Variants in CA10 observed in about 807,000 individuals in gnomAD.
CA10 encodes the protein carbonic anhydrase-related protein 10.
CA10 carries 14 observed loss-of-function variants against 44.2 expected under a neutral mutation model. The observed-to-expected ratio is 0.32, with a 90% CI of 0.21 to 0.50. The LOEUF is 0.50. Among genes scored for constraint, CA10 ranks in the 20% least tolerant of loss-of-function variants. CA10 has a pLI of 0.99. For synonymous variants in CA10, 159 were observed against 141.6 expected (o/e 1.12, Z -0.87); for missense variants, 350 against 409.7 (o/e 0.85, Z 1.26).
chr17:51,717,374 G>A (rs571085568), intron 4 of CA10, among the ~76,000 whole-genome samples: 1 of 151,926 alleles, frequency 6.6e-6, no homozygotes, highest in South Asian at 2.1e-4. Flanking sequence ...GTGATTAAAA[G>A]TAGTACTACT....
intron 2 of CA10, among the ~76,000 whole-genome samples, chr17:52,056,324 A>G (rs1987229736): frequency 6.6e-6 from 1 of 152,048 alleles, no homozygotes; most frequent in African/African-American, 2.4e-5. Flanking sequence ...TGGAATTGGA[A>G]TGCAAAAATC....
chr17:51,897,638 C>G (rs1329712708), intron 3 of CA10, among the ~76,000 whole-genome samples: 1 of 152,122 alleles, frequency 6.6e-6, no homozygotes. Context: ...AGCATTGAAT[C>G]TATAAATTGC....
intron 3 of CA10, among the ~76,000 whole-genome samples, chr17:51,774,502 C>T (rs1448707219): frequency 6.6e-6 from 1 of 151,366 alleles, no homozygotes; most frequent in Admixed American, 6.6e-5. Flanking sequence ...TGCAGCGGTG[C>T]GATCTCAGCT....
chr17:51,712,903 G>T (rs558598793), intron 4 of CA10, among the ~76,000 whole-genome samples: 1 of 152,226 alleles, frequency 6.6e-6, no homozygotes, highest in Non-Finnish European at 1.5e-5. Flanking sequence ...CAGGAGGAGG[G>T]TGAGTGTCTT....
chr17:51,747,527 T>C (rs939479506), intron 4 of CA10, 106 bp downstream of exon 4: 8 of 897,002 alleles, frequency 8.9e-6, no homozygotes, highest in South Asian at 2.1e-5. Context: ...TCTCATTTCA[T>C]AGATTAGAGC....
chr17:51,960,822 G>A (rs903236958), intron 2 of CA10, among the ~76,000 whole-genome samples: 1 of 152,154 alleles, frequency 6.6e-6, no homozygotes, highest in Non-Finnish European at 1.5e-5. Context: ...TCTGAACTAA[G>A]TGAAAATGAA....
chr17:51,664,810 A>G (rs189826782), intron 4 of CA10, among the ~76,000 whole-genome samples: 1 of 152,294 alleles, frequency 6.6e-6, no homozygotes, highest in East Asian at 1.9e-4. Context: ...AGTTATTCAT[A>G]AAAGTTTATA....
chr17:51,777,938 T>C lies in CA10; in HGVS notation c.280-30120A>G, dbSNP rs115514487. Among the ~76,000 whole-genome samples, 1,493 of 152,286 alleles carry C rather than the reference T, an allele frequency of 9.8e-3. 29 individuals are homozygous for C. Among genetic ancestry groups the C allele is most frequent in the African/African-American group, 0.035 (1,437 of 41,558 alleles). On this transcript the variant is annotated intron_variant, in intron 3 of 8. Transcript: ENST00000451037. ...CAGAGCAAGACCCTGTCTCTCACTG[T>C]CCATAAATATTATATATAGATACAA...
chr17:52,101,944 T>C (rs538213565), intron 1 of CA10, among the ~76,000 whole-genome samples: 17 of 152,314 alleles, frequency 1.1e-4, no homozygotes, highest in African/African-American at 3.8e-4. Flanking sequence ...TTCTGTTCAC[T>C]TTTTCCTTGG....
chr17:51,774,633 G>A (rs1464177939), intron 3 of CA10, among the ~76,000 whole-genome samples: 3 of 151,768 alleles, frequency 2.0e-5, no homozygotes, highest in Admixed American at 6.6e-5. Context: ...TAGTAGAGAC[G>A]GGGTTTCACC....
chr17:51,686,053 C>G (rs1300474594), intron 4 of CA10, among the ~76,000 whole-genome samples: 2 of 143,886 alleles, frequency 1.4e-5, no homozygotes, highest in Non-Finnish European at 3.0e-5. Context: ...GGGTCAAGGG[C>G]AGGGCCAGGT....
intron 4 of CA10, among the ~76,000 whole-genome samples, chr17:51,732,499 T>C (rs1472379029): frequency 6.6e-6 from 1 of 152,206 alleles, no homozygotes; most frequent in Admixed American, 6.5e-5. Context: ...CACTTGAGCT[T>C]GTGAATTTTG....
At chr17:52,009,322 A>G (rs1985707747) in intron 2 of CA10, among the ~76,000 whole-genome samples, 1 of 151,944 alleles carries the variant, frequency 6.6e-6, no homozygotes, top group Non-Finnish European at 1.5e-5. Context: ...TTTTTGTTCT[A>G]TACAAAGCAA....
chr17:52,037,952 T>C (rs1036710414), intron 2 of CA10, among the ~76,000 whole-genome samples: 2 of 152,080 alleles, frequency 1.3e-5, no homozygotes, highest in African/African-American at 4.8e-5. Context: ...ATTTTTTTTT[T>C]CACAACCTAC....
At chr17:51,987,122 A>G (rs1984868431) in intron 2 of CA10, among the ~76,000 whole-genome samples, 1 of 152,100 alleles carries the variant, frequency 6.6e-6, no homozygotes, top group South Asian at 2.1e-4. Context: ...CCATCAATCA[A>G]TGAGTGGATA....
chr17:51,687,827 A>T (rs1299158126), intron 4 of CA10, among the ~76,000 whole-genome samples: 1 of 152,198 alleles, frequency 6.6e-6, no homozygotes, highest in Non-Finnish European at 1.5e-5. Flanking sequence ...TAACCCAATA[A>T]AGTTTCTAGT....
chr17:51,801,339 C>T (rs936247390), intron 3 of CA10, among the ~76,000 whole-genome samples: 1 of 152,088 alleles, frequency 6.6e-6, no homozygotes, highest in African/African-American at 2.4e-5. Context: ...TCCAGTCGCC[C>T]TTGGGGACTG....
chr17:51,670,891 G>A (rs1914391686), intron 4 of CA10, among the ~76,000 whole-genome samples: 1 of 152,156 alleles, frequency 6.6e-6, no homozygotes, highest in Non-Finnish European at 1.5e-5. Flanking sequence ...TAGAACAAGA[G>A]CTTGTGTCTG....
In CA10 at chr17:52,048,104, T is replaced by G. The variant is rs1276386217; in HGVS notation, c.136+24215A>C. Among the ~76,000 whole-genome samples the G allele has an allele frequency of 1.3e-5, 2 of 151,990 alleles. 1 individual carries two copies. Among genetic ancestry groups the G allele is most frequent in the East Asian group, 3.9e-4 (2 of 5,136 alleles). ...TTGCTGAAGCATCTGAAAGGCAGTT[T>G]GCTGAGAGCCAAACTGGGGGAAAAA... is the stretch of plus-strand genomic sequence containing the variant. On this transcript the variant is annotated intron_variant, in intron 2 of 8. Coordinates refer to ENST00000451037, the MANE Select transcript of CA10 (RefSeq NM_020178.5).
Sources: allele counts gnomAD v4.1 joint callset (sites outside exome capture counted in the v4.1 genomes callset), GRCh38; gene constraint gnomAD v4.1.1; transcripts MANE v1.5; gene names NCBI Gene and HGNC (gene_info 2026-07-23, HGNC 2026-07-21).